The following DPRX variants were observed in gnomAD, a reference collection of about 807,000 sequenced individuals.
DPRX encodes the protein divergent paired-related homeobox.
DPRX carries 11 observed loss-of-function variants against 8.4 expected under a neutral mutation model. The ratio of observed to expected loss-of-function variants is 1.31; its 90% CI spans 0.82 to 2.17. The LOEUF (loss-of-function observed/expected upper bound fraction) is 2.17. DPRX is among the 30% of genes most tolerant of loss of function. The pLI, the probability that DPRX is intolerant of heterozygous loss-of-function variation, is 0.00. For synonymous variants in DPRX, 72 were observed against 87.0 expected, an observed-to-expected ratio of 0.83 and a Z score of 0.96; for missense variants, 211 against 236.7, an observed-to-expected ratio of 0.89 and a Z score of 0.71.
the DPRX span, chr19:53,606,867 C>A: frequency 1.3e-5 from 2 of 152,728 alleles, no homozygotes; most frequent in African/African-American, 4.8e-5. This position sits in a 1 kb window ranked among gnomAD's most constrained non-coding sequence, Gnocchi z 4.8. Flanking sequence ...AACAGGGTAG[C>A]CTTTAATGAA....
the DPRX span, among the ~76,000 whole-genome samples, chr19:53,619,977 T>A: frequency 2.0e-5 from 3 of 152,236 alleles, no homozygotes; most frequent in East Asian, 5.8e-4. Flanking sequence ...CCTCATCCCC[T>A]GTCACAGAGA....
chr19:53,619,574 C>T, the DPRX span, among the ~76,000 whole-genome samples: 2 of 151,732 alleles, frequency 1.3e-5, no homozygotes, highest in East Asian at 3.9e-4. Flanking sequence ...ACTTGGGAGG[C>T]TGAGGCAGGA....
chr19:53,614,101 C>G, the DPRX span, among the ~76,000 whole-genome samples: 1 of 152,016 alleles, frequency 6.6e-6, no homozygotes, highest in African/African-American at 2.4e-5. Flanking sequence ...CAGGTGCACA[C>G]CACCACGCCC....
chr19:53,625,850 C>T, the DPRX span, among the ~76,000 whole-genome samples: 1 of 152,014 alleles, frequency 6.6e-6, no homozygotes, highest in Admixed American at 6.6e-5. Context: ...GTTGGCCAGG[C>T]TGGTCTGGAA....
At chr19:53,635,204 G>C (rs1424459306) in intron 2 of DPRX, among the ~76,000 whole-genome samples, 3 of 152,090 alleles carry the variant, frequency 2.0e-5, no homozygotes, top group African/African-American at 7.2e-5. Context: ...ATGGGGTTTC[G>C]CTATATTGCC....
At chr19:53,601,191 A>T in the DPRX span, 6 of 454,008 alleles carry the variant, frequency 1.3e-5, no homozygotes, top group East Asian at 3.5e-4. Flanking sequence ...TGAGACAGCT[A>T]TAGGGAAAGG....
chr19:53,612,147 G>A, the DPRX span, among the ~76,000 whole-genome samples: 5 of 151,600 alleles, frequency 3.3e-5, no homozygotes, highest in South Asian at 4.2e-4. Flanking sequence ...ACATTGGGGG[G>A]CCAAGGCAGG....
At chr19:53,611,005 C>T in the DPRX span, among the ~76,000 whole-genome samples, 22,308 of 151,888 alleles carry the variant, frequency 0.15, 1,782 homozygotes, top group South Asian at 0.27. Flanking sequence ...CAGGTTCAAA[C>T]GATTCTCCTC....
the DPRX span, among the ~76,000 whole-genome samples, chr19:53,605,665 A>G: frequency 6.6e-6 from 1 of 151,312 alleles, no homozygotes; most frequent in African/African-American, 2.4e-5. Context: ...ATTTATTTTA[A>G]TTATTTTATT....
At chr19:53,626,014 GC>G in the DPRX span, among the ~76,000 whole-genome samples, 1 of 152,032 alleles carries the variant, frequency 6.6e-6, no homozygotes, top group Non-Finnish European at 1.5e-5. Flanking sequence ...TCGGCTCACT[GC>G]AACATCTGCC....
At chr19:53,624,558 G>C in the DPRX span, among the ~76,000 whole-genome samples, 1 of 151,890 alleles carries the variant, frequency 6.6e-6, no homozygotes, top group Non-Finnish European at 1.5e-5. Flanking sequence ...GATTACAGGC[G>C]TGAGCCACTG....
chr19:53,620,511 C>T, the DPRX span, among the ~76,000 whole-genome samples: 1 of 151,696 alleles, frequency 6.6e-6, no homozygotes, highest in Non-Finnish European at 1.5e-5. Flanking sequence ...TACAGACATG[C>T]GTCACTATGC....
the DPRX span, among the ~76,000 whole-genome samples, chr19:53,626,379 G>A: frequency 1.3e-5 from 2 of 152,016 alleles, no homozygotes; most frequent in Non-Finnish European, 2.9e-5. Context: ...ACGCCCCACC[G>A]TGAGACCCCC....
chr19:53,626,534 A>T, the DPRX span, among the ~76,000 whole-genome samples: 2 of 150,702 alleles, frequency 1.3e-5, no homozygotes, highest in African/African-American at 4.8e-5. Context: ...AGCCTGGGAG[A>T]CAGAGGGAGA....
intron 2 of DPRX, among the ~76,000 whole-genome samples, chr19:53,635,669 C>T (rs2091109294): frequency 6.6e-6 from 1 of 152,362 alleles, no homozygotes; most frequent in Non-Finnish European, 1.5e-5. Flanking sequence ...GCATGAGCCA[C>T]TGTGCCTGGC....
chr19:53,627,350 A>G (rs2091075165), upstream of DPRX, among the ~76,000 whole-genome samples: 1 of 151,916 alleles, frequency 6.6e-6, no homozygotes. Flanking sequence ...ACACTTAATT[A>G]ATATACTGAG....
At chr19:53,614,439 C>G in the DPRX span, among the ~76,000 whole-genome samples, 1 of 152,044 alleles carries the variant, frequency 6.6e-6, no homozygotes, top group Non-Finnish European at 1.5e-5. Context: ...TGGCTCACGC[C>G]TGTAATCTCA....
the DPRX span, among the ~76,000 whole-genome samples, chr19:53,608,976 G>GAAAAAAAAAAAAAA: frequency 7.4e-5 from 6 of 80,654 alleles, no homozygotes; most frequent in Admixed American, 1.3e-4. Flanking sequence ...AAAAAAAAAG[G>GAAAAAAAAAAAAAA]AAAGAAAAGA....
chr19:53,602,276 G>A, the DPRX span: 1 of 189,044 alleles, frequency 5.3e-6, no homozygotes, highest in South Asian at 4.5e-5. Flanking sequence ...GGGTGTGTGT[G>A]TGTGTGTGTG....
Sources: allele counts gnomAD v4.1 joint callset (sites outside exome capture counted in the v4.1 genomes callset), GRCh38; gene constraint gnomAD v4.1.1; non-coding constraint Gnocchi (gnomAD v3.1); transcripts MANE v1.5; gene names NCBI Gene and HGNC (gene_info 2026-07-23, HGNC 2026-07-21).